Variants in AGBL4 observed in about 807,000 individuals in gnomAD.
AGBL4 encodes the protein cytosolic carboxypeptidase 6.
In AGBL4, 58 loss-of-function variants were observed where a neutral mutation model predicts 66.4. The ratio of observed to expected loss-of-function variants is 0.87; its 90% confidence interval spans 0.71 to 1.09. The LOEUF (loss-of-function observed/expected upper bound fraction) is 1.09. Ranked by LOEUF, AGBL4 falls within the 50% of genes least tolerant of loss-of-function variation. The pLI, the probability that AGBL4 is intolerant of heterozygous loss-of-function variation, is 0.00. For synonymous variants in AGBL4, 234 were observed against 222.9 expected (o/e 1.05, Z -0.44); for missense variants, 579 against 631.0 (o/e 0.92, Z 0.88).
chr1:49,610,689 T>A (rs1162293500), intron 3 of AGBL4, among the ~76,000 whole-genome samples: 1 of 152,194 alleles, frequency 6.6e-6, no homozygotes, highest in Non-Finnish European at 1.5e-5. Context: ...ACCTCATCTA[T>A]GAGGAAGAGG....
At chr1:48,820,777 T>C (rs1272817621) in intron 6 of AGBL4, among the ~76,000 whole-genome samples, 1 of 152,128 alleles carries the variant, frequency 6.6e-6, no homozygotes, top group East Asian at 1.9e-4. Context: ...ATGATAAAGT[T>C]TCTGCACAGC....
chr1:48,571,796 A>G (rs1644568446), intron 11 of AGBL4, among the ~76,000 whole-genome samples: 1 of 152,172 alleles, frequency 6.6e-6, no homozygotes, highest in South Asian at 2.1e-4. Context: ...TTCTCACCAC[A>G]AACCTTTCCT....
At chr1:48,872,690 C>A (rs905048097) in intron 5 of AGBL4, among the ~76,000 whole-genome samples, 1 of 152,076 alleles carries the variant, frequency 6.6e-6, no homozygotes, top group African/African-American at 2.4e-5. Context: ...AACAAACAAC[C>A]AAGAAAGCAT....
chr1:48,679,110 G>A (rs112859858), intron 6 of AGBL4, among the ~76,000 whole-genome samples: 9 of 152,346 alleles, frequency 5.9e-5, no homozygotes, highest in African/African-American at 2.2e-4. Context: ...AGCCCAGAGG[G>A]AACCCCCTGG....
rs141042102 is a variant in AGBL4, at chr1:48,949,324, G to C, written c.595-82094C>G. ...GACTATGGGGAAAGTAAAGTAGGTAGACCGAGATTGGTCAATGATATCCAG... is the reference window on the plus strand; with the variant it reads ...GACTATGGGGAAAGTAAAGTAGGTACACCGAGATTGGTCAATGATATCCAG... On this transcript the variant is annotated intron_variant, in intron 5 of 13. Transcript: ENST00000371839. Among the ~76,000 whole-genome samples the C allele has an allele frequency of 1.4e-3, 216 of 152,318 alleles. 1 individual carries two copies. The highest frequency in any genetic ancestry group is 6.8e-3 in the Middle Eastern group (2 of 294).
chr1:48,987,614 GA>G (rs1319188026), intron 5 of AGBL4, among the ~76,000 whole-genome samples: 2 of 152,036 alleles, frequency 1.3e-5, no homozygotes, highest in African/African-American at 4.8e-5. Context: ...TAGAAAATCA[GA>G]AAGGATATAG....
intron 4 of AGBL4, among the ~76,000 whole-genome samples, chr1:49,072,665 G>T (rs1012224437): frequency 2.6e-5 from 4 of 152,112 alleles, no homozygotes; most frequent in Non-Finnish European, 5.9e-5. Context: ...CTCTCTGGCT[G>T]CCCTTAACAT....
intron 6 of AGBL4, among the ~76,000 whole-genome samples, chr1:48,797,587 A>G (rs189226410): frequency 6.6e-6 from 1 of 152,220 alleles, no homozygotes; most frequent in East Asian, 1.9e-4. Flanking sequence ...TCCATAGTGC[A>G]TGTATATACC....
chr1:48,569,847 T>C (rs1475805717), intron 11 of AGBL4, among the ~76,000 whole-genome samples: 1 of 152,034 alleles, frequency 6.6e-6, no homozygotes, highest in Non-Finnish European at 1.5e-5. Context: ...TCTTTTGGGG[T>C]TGTAGTAAAG....
chr1:49,657,546 C>A (rs950721605), intron 3 of AGBL4, among the ~76,000 whole-genome samples: 3 of 152,176 alleles, frequency 2.0e-5, no homozygotes, highest in Non-Finnish European at 4.4e-5. Context: ...ACCCACATTG[C>A]CAAGACAATC....
intron 5 of AGBL4, among the ~76,000 whole-genome samples, chr1:48,951,140 T>C (rs965682966): frequency 6.6e-6 from 1 of 152,214 alleles, no homozygotes; most frequent in Non-Finnish European, 1.5e-5. Context: ...AAGTCTAGAC[T>C]CAGCTCTCTT....
At chr1:49,379,307 C>T (rs1382801308) in intron 3 of AGBL4, among the ~76,000 whole-genome samples, 1 of 152,132 alleles carries the variant, frequency 6.6e-6, no homozygotes, top group African/African-American at 2.4e-5. Flanking sequence ...GTTATATGTG[C>T]ATTCTTACCT....
chr1:49,604,764 CCT>C (rs1203359405), intron 3 of AGBL4, among the ~76,000 whole-genome samples: 1 of 151,906 alleles, frequency 6.6e-6, no homozygotes, highest in Non-Finnish European at 1.5e-5. Context: ...CCCCCATTTC[CCT>C]CTGTTTACTT....
At chr1:48,628,138 A>G (rs909231452) in intron 9 of AGBL4, among the ~76,000 whole-genome samples, 5 of 152,222 alleles carry the variant, frequency 3.3e-5, no homozygotes, top group Non-Finnish European at 7.3e-5. Flanking sequence ...AAGGTGCTGA[A>G]TGAAATGAAT....
rs527335409 is a variant in AGBL4, at chr1:49,165,098, G to T, written c.377+80672C>A. On this transcript the variant is annotated intron_variant, in intron 4 of 13. Coordinates refer to ENST00000371839, the MANE Select transcript of AGBL4 (RefSeq NM_032785.4). ...AGACAATGACATGTCCATCTGGTTG[G>T]TACTGACTAGGAGTGTTAAGCATTT... 1.1e-4 allele frequency among the ~76,000 whole-genome samples: 17 copies of T among 152,186 alleles called. No individual in the cohort carries two copies. In the South Asian group the frequency reaches 3.5e-3, roughly 32 times the overall value.
At chr1:49,944,893 G>A (rs532872981) in intron 1 of AGBL4, among the ~76,000 whole-genome samples, 74 of 151,924 alleles carry the variant, frequency 4.9e-4, no homozygotes, top group South Asian at 3.5e-3. Flanking sequence ...AGGAAACCAC[G>A]GATGCACTTA....
At chr1:48,901,128 A>G (rs1050227751) in intron 5 of AGBL4, among the ~76,000 whole-genome samples, 1 of 152,246 alleles carries the variant, frequency 6.6e-6, no homozygotes, top group African/African-American at 2.4e-5. Flanking sequence ...AAGGCTCAAT[A>G]TCATTAGTCA....
At chr1:49,655,013 A>G (rs540030560) in intron 3 of AGBL4, among the ~76,000 whole-genome samples, 1 of 152,234 alleles carries the variant, frequency 6.6e-6, no homozygotes, top group Admixed American at 6.5e-5. Context: ...ATTTCTTCCT[A>G]GCATCAATGG....
chr1:49,915,675 C>G (rs1017235562), intron 1 of AGBL4, among the ~76,000 whole-genome samples: 1 of 152,184 alleles, frequency 6.6e-6, no homozygotes, highest in African/African-American at 2.4e-5. Flanking sequence ...CATAGCCGAA[C>G]AAAAGGCAGC....
Sources: gnomAD v4.1 joint callset for allele counts (sites outside exome capture counted in the v4.1 genomes callset) on GRCh38, gnomAD v4.1.1 for gene constraint, MANE v1.5 for transcripts, NCBI Gene and HGNC (gene_info 2026-07-23, HGNC 2026-07-21) for gene names.